The following PPIC variants were observed in gnomAD, a reference collection of about 807,000 sequenced individuals.
The protein encoded by PPIC is peptidylprolyl isomerase C, also known as peptidyl-prolyl cis-trans isomerase C.
A neutral mutation model predicts 19.5 loss-of-function variants in PPIC; 19 were observed. The observed-to-expected ratio is 0.98, with a 90% CI of 0.68 to 1.43. PPIC has a LOEUF of 1.43. Ranked by LOEUF, PPIC falls within the 40% of genes most tolerant of loss-of-function variation. The pLI is 0.00. For synonymous variants in PPIC, 107 were observed against 101.2 expected (o/e 1.06, Z -0.34); for missense variants, 268 against 268.6 (o/e 1.00, Z 0.02).
intron 1 of PPIC, among the ~76,000 whole-genome samples, chr5:123,030,106 C>G (rs79015914): frequency 0.043 from 6,616 of 152,294 alleles, 202 homozygotes; most frequent in East Asian, 0.1. Context: ...AACTCAGACA[C>G]TGAATTCAGT....
rs1561756041 is a variant in PPIC, at chr5:123,036,462, GGCCCC to G, written c.117+42_117+46del. On this transcript the variant is annotated intron_variant, in intron 1 of 4. Coordinates refer to ENST00000306442, the MANE Select transcript of PPIC (RefSeq NM_000943.5). This position sits in a 1 kb window ranked among gnomAD's most constrained non-coding sequence, Gnocchi z 4.5. ...GTCCCAGTATCCAAAGCGCCCCCAGGGCCCCGCCCGCAACAGGGGAAGTTGCAGCC... is the reference window on the plus strand; with the variant it reads ...GTCCCAGTATCCAAAGCGCCCCCAGGGCCCGCAACAGGGGAAGTTGCAGCC... 1.9e-6 allele frequency: 3 copies of G among 1,541,484 alleles called. No homozygotes were observed. The Admixed American group carries it at 5.2e-5, about 27-fold the overall frequency.
chr5:123,033,047 G>A (rs1762962799), intron 1 of PPIC, among the ~76,000 whole-genome samples: 1 of 152,152 alleles, frequency 6.6e-6, no homozygotes, highest in Non-Finnish European at 1.5e-5. Context: ...CCCAGTACAT[G>A]AGCTGCGATG....
In PPIC at chr5:123,023,963, T is replaced by C. The variant is rs751102284; in HGVS notation, c.551A>G (p.His184Arg). Residue 184 changes from histidine (H) to arginine (R), a missense_variant, in exon 5 of 5, where the codon CAT becomes CGT. His to Arg is a conservative substitution (Grantham distance 29). Coordinates refer to ENST00000306442, the MANE Select transcript of PPIC (RefSeq NM_000943.5). ...CGAGCAGTTGGTGAGTGGACGGTCATGCCCATCAGTTGCTTGGAGCTCTAT... is the reference window on the plus strand; with the variant it reads ...CGAGCAGTTGGTGAGTGGACGGTCACGCCCATCAGTTGCTTGGAGCTCTAT... ...HSIELQATDG[H>R]DRPLTNCSII... 2.0e-5 allele frequency: 32 copies of C among 1,614,022 alleles called. No individual in the cohort carries two copies. Among genetic ancestry groups the C allele is most frequent in the Non-Finnish European group, 2.5e-5 (30 of 1,180,014 alleles).
In PPIC at chr5:123,023,776, A is replaced by G; in HGVS notation, c.*99T>C. 7.1e-7 allele frequency: 1 copy of G among 1,404,892 alleles called. No individual in the cohort carries two copies. The highest frequency in any genetic ancestry group is 1.8e-5 in the South Asian group (1 of 56,970). 87.0% of individuals were successfully genotyped at this position (1,404,892 alleles called of 1,614,324 possible). ...GGATAGAATACAAAAAGAAAGTAAA[A>G]AAAAAAAAGCAAATAATTGAAAGAC... On this transcript the variant is annotated 3_prime_UTR_variant, in exon 5 of 5. Transcript: ENST00000306442.
At chr5:123,033,493 ACCTTCCGCCG>A (rs1374287496) in intron 1 of PPIC, among the ~76,000 whole-genome samples, 1 of 151,988 alleles carries the variant, frequency 6.6e-6, no homozygotes, top group Non-Finnish European at 1.5e-5. Flanking sequence ...GCTCCCTATC[ACCTTCCGCCG>A]CCGTGACTGG....
Position 123,036,127 on chromosome 5 carries a change from C to T in PPIC, c.117+382G>A, listed in dbSNP as rs958444297. 1 of 226,064 alleles carries T rather than the reference C, an allele frequency of 4.4e-6. No homozygotes were observed. Among genetic ancestry groups the T allele is most frequent in the South Asian group, 5.7e-5 (1 of 17,506 alleles). The allele number at this position is 226,064 out of a possible 1,614,324, so 14.0% of individuals were successfully genotyped here. On this transcript the variant is annotated intron_variant, in intron 1 of 4. Transcript: ENST00000306442. The surrounding 1 kb of genome is among the most constrained non-coding windows in gnomAD (Gnocchi z 4.5). ...CGGGTCCCGCCCCCCTCCCCGCATTCCTCTCGTTCTGCTCCCGAGCCCAGG... is the reference window on the plus strand; with the variant it reads ...CGGGTCCCGCCCCCCTCCCCGCATTTCTCTCGTTCTGCTCCCGAGCCCAGG...
intron 3 of PPIC, among the ~76,000 whole-genome samples, chr5:123,027,790 G>A (rs557795958): frequency 1.3e-5 from 2 of 152,220 alleles, no homozygotes; most frequent in East Asian, 3.9e-4. Flanking sequence ...AGTATTTGTT[G>A]AATTAAAAAT....
intron 4 of PPIC, among the ~76,000 whole-genome samples, chr5:123,024,840 C>G (rs866696513): frequency 3.3e-5 from 5 of 152,152 alleles, no homozygotes; most frequent in Non-Finnish European, 5.9e-5. Flanking sequence ...GAAAGGGAGA[C>G]AAGGATGGTC....
chr5:123,029,086 G>A (rs1461884465), intron 2 of PPIC: 1 of 933,988 alleles, frequency 1.1e-6, no homozygotes, highest in Non-Finnish European at 1.6e-6. Context: ...AGTTAAAAGA[G>A]AGCAAACCAT....
At position 123,026,117 on chromosome 5, in the gene PPIC, GA is replaced by G; in HGVS notation, c.326-150del. The G allele has an allele frequency of 4.4e-6, 3 of 681,256 alleles. No homozygotes were observed. The South Asian group carries it at 6.9e-5, about 16-fold the overall frequency. 42.2% of individuals were successfully genotyped at this position (681,256 alleles called of 1,614,324 possible). On this transcript the variant is annotated intron_variant, in intron 3 of 4. Transcript: ENST00000306442. ...TGTTCAAACATAAGCAGACATGAAG[GA>G]GGGAATAAAATTAACTCCTTAAGGG...
At chr5:123,032,766 GA>G (rs1269352883) in intron 1 of PPIC, among the ~76,000 whole-genome samples, 8 of 152,204 alleles carry the variant, frequency 5.3e-5, no homozygotes, top group African/African-American at 1.7e-4. Flanking sequence ...GACAAGTACA[GA>G]TAAGGTGTCA....
chr5:123,027,044 A>G (rs749018982), intron 3 of PPIC, among the ~76,000 whole-genome samples: 1 of 152,030 alleles, frequency 6.6e-6, no homozygotes. Context: ...AATACAAAAA[A>G]TCAGCCGGGC....
At chr5:123,031,485 G>A (rs780379164) in intron 1 of PPIC, among the ~76,000 whole-genome samples, 3 of 152,220 alleles carry the variant, frequency 2.0e-5, no homozygotes, top group Non-Finnish European at 4.4e-5. Context: ...ACCTAGGCAG[G>A]AAATGTGACC....
intron 3 of PPIC, 120 bp downstream of exon 3, chr5:123,028,655 G>A (rs1439097169): frequency 2.3e-5 from 17 of 728,384 alleles, no homozygotes; most frequent in Non-Finnish European, 3.6e-5. Context: ...TCTCAAAGAG[G>A]TACAGTCGTC....
chr5:123,034,929 T>C (rs1452569963), intron 1 of PPIC, among the ~76,000 whole-genome samples: 3 of 152,206 alleles, frequency 2.0e-5, no homozygotes, highest in Non-Finnish European at 4.4e-5. Context: ...CTCGAGTATA[T>C]ATTGAGATCA....
At chr5:123,034,966 A>G (rs570294849) in intron 1 of PPIC, among the ~76,000 whole-genome samples, 1 of 152,310 alleles carries the variant, frequency 6.6e-6, no homozygotes, top group African/African-American at 2.4e-5. Context: ...AAAACCCTTC[A>G]GTGGCTCTGA....
At chr5:123,025,635 C>T in intron 4 of PPIC, 149 bp downstream of exon 4, 1 of 772,926 alleles carries the variant, frequency 1.3e-6, no homozygotes, top group Non-Finnish European at 2.0e-6. Context: ...ATTAAAATGC[C>T]ATACCATATA....
chr5:123,027,196 A>C (rs1762872314), intron 3 of PPIC, among the ~76,000 whole-genome samples: 2 of 152,098 alleles, frequency 1.3e-5, no homozygotes, highest in Admixed American at 6.5e-5. Flanking sequence ...TGTGTCTCAA[A>C]AGAAAAAAAA....
intron 1 of PPIC, among the ~76,000 whole-genome samples, chr5:123,030,509 A>C (rs1483304716): frequency 1.3e-5 from 2 of 152,228 alleles, no homozygotes; most frequent in African/African-American, 4.8e-5. Flanking sequence ...GTAAGTAAAG[A>C]CTGTCAAGCT....
Sources: gnomAD v4.1 joint callset for allele counts (sites outside exome capture counted in the v4.1 genomes callset) on GRCh38, gnomAD v4.1.1 for gene constraint, Gnocchi (gnomAD v3.1) non-coding constraint, MANE v1.5 for transcripts, NCBI Gene and HGNC (gene_info 2026-07-23, HGNC 2026-07-21) for gene names.